PPP2R5B: variants seen among roughly 807,000 people sequenced by gnomAD.
The protein encoded by PPP2R5B is protein phosphatase 2 regulatory subunit B'beta.
PPP2R5B carries 19 observed loss-of-function variants against 59.9 expected under a neutral mutation model. The ratio of observed to expected loss-of-function variants is 0.32; its 90% CI spans 0.22 to 0.47. The LOEUF (loss-of-function observed/expected upper bound fraction) is 0.47, where lower values mean the gene tolerates loss of function less well. PPP2R5B is among the 20% of genes least tolerant of loss of function. The pLI is 1.00. For synonymous variants in PPP2R5B, 286 were observed against 260.5 expected, an observed-to-expected ratio of 1.10 and a Z score of -0.94; for missense variants, 441 against 640.2, an observed-to-expected ratio of 0.69 and a Z score of 3.36.
chr11:64,925,809 C>T lies in PPP2R5B; in HGVS notation c.75C>T (p.Pro25=), dbSNP rs747133554. Residue 25 remains proline, a synonymous_variant, in exon 2 of 14, where the codon CCC becomes CCT. Transcript: ENST00000164133. The surrounding 1 kb of genome is among the most constrained non-coding windows in gnomAD (Gnocchi z 4.6). ...SSPGLSPVPP[P]DKVDGFSRRS... is the part of the protein sequence containing the mutation. ...CCGGGCTGTCGCCTGTGCCCCCACC[C>T]GACAAGGTGGACGGCTTCTCCCGCC... The T allele has an allele frequency of 1.0e-5, 16 of 1,600,992 alleles. No homozygotes were observed. Among genetic ancestry groups the T allele is most frequent in the East Asian group, 2.2e-5 (1 of 44,668 alleles).
rs1358424604 is a variant in PPP2R5B at position 64,930,473 on chromosome 11, C to G, written c.783-8C>G. The G allele has an allele frequency of 6.2e-7, 1 of 1,614,102 alleles. No individual in the cohort carries two copies. The highest frequency in any genetic ancestry group is 1.1e-5 in the South Asian group (1 of 91,082). On this transcript the variant is annotated splice_polypyrimidine_tract_variant and splice_region_variant and intron_variant, in intron 7 of 13. Coordinates refer to ENST00000164133, the MANE Select transcript of PPP2R5B (RefSeq NM_006244.4). ...GAGCCCTCTTCCTCTCTTCTGCCTCCTCCTCAGCATCATCAATGGCTTTGC... is the reference window on the plus strand; with the variant it reads ...GAGCCCTCTTCCTCTCTTCTGCCTCGTCCTCAGCATCATCAATGGCTTTGC...
rs771939996 is a variant in PPP2R5B, at chr11:64,930,603, C to G, written c.891+14C>G. On this transcript the variant is annotated intron_variant, in intron 8 of 13. Coordinates refer to ENST00000164133, the MANE Select transcript of PPP2R5B (RefSeq NM_006244.4). ...TTCCATGCCCAGGTGAGGCCCAGGCCTGTCCCTGCTGCAGCAGGAGCTCCA... is the reference window on the plus strand; with the variant it reads ...TTCCATGCCCAGGTGAGGCCCAGGCGTGTCCCTGCTGCAGCAGGAGCTCCA... 55 of 1,605,462 alleles carry G rather than the reference C, an allele frequency of 3.4e-5. No individual in the cohort carries two copies. Among genetic ancestry groups the G allele is most frequent in the Non-Finnish European group, 4.3e-5 (50 of 1,172,280 alleles).
Position 64,933,791 on chromosome 11 carries a change from G to GC in PPP2R5B, c.1447dup (p.Leu483ProfsTer88), listed in dbSNP as rs1359025908. The stretch of plus-strand genomic sequence containing the variant: ...ACAGGGGACCCAGGGGGCCAAGGAG[G>GC]CCCCCCTCCAGCGGCTTACACCCCA... On this transcript the variant is annotated frameshift_variant, in exon 14 of 14. Coordinates refer to ENST00000164133, the MANE Select transcript of PPP2R5B (RefSeq NM_006244.4). LOFTEE classifies it high-confidence loss of function. 1.3e-6 allele frequency: 2 copies of GC among 1,553,482 alleles called. No individual in the cohort carries two copies.
chr11:64,922,356 G>A (rs1443028834), upstream of PPP2R5B, among the ~76,000 whole-genome samples: 2 of 151,916 alleles, frequency 1.3e-5, no homozygotes, highest in Non-Finnish European at 2.9e-5. Flanking sequence ...ATGATGGCGT[G>A]CATCTGTGGT....
chr11:64,929,844 A>C (rs913568528), intron 6 of PPP2R5B, among the ~76,000 whole-genome samples: 5 of 152,170 alleles, frequency 3.3e-5, no homozygotes, highest in African/African-American at 1.2e-4. Context: ...CGGGACTCTG[A>C]AACATTAGTT....
rs1398686984 is a variant in PPP2R5B at position 64,933,769 on chromosome 11, G to C, written c.1419G>C (p.Gln473His). 6.4e-7 allele frequency: 1 copy of C among 1,554,844 alleles called. No individual in the cohort carries two copies. The highest frequency in any genetic ancestry group is 1.2e-5 in the South Asian group (1 of 84,310). ...AGGAGCTGCGGCTACGCCGGCTACA[G>C]GGGACCCAGGGGGCCAAGGAGGCCC... is the stretch of plus-strand genomic sequence containing the variant. ...GLEELRLRRL[Q>H]GTQGAKEAPL... Residue 473 changes from glutamine (Q) to histidine (H), a missense_variant, in exon 14 of 14, where the codon CAG becomes CAC. This residue lies in a region of PPP2R5B where 70 missense variants were observed against 64.2 expected (regional missense o/e 1.09). Transcript: ENST00000164133.
In PPP2R5B at chr11:64,925,780, T is replaced by TCCCC; in HGVS notation, c.48_51dup (p.Gly18ProfsTer73). Reference sequence around the variant, plus strand: ...TGCAAGCACCCCCACTAGCCCCTCCTCCCCCGGGCTGTCGCCTGTGCCCCC... The same window carrying TCCCC: ...TGCAAGCACCCCCACTAGCCCCTCCTCCCCCCCCCGGGCTGTCGCCTGTGCCCCC... On this transcript the variant is annotated frameshift_variant, in exon 2 of 14. Coordinates refer to ENST00000164133, the MANE Select transcript of PPP2R5B (RefSeq NM_006244.4). LOFTEE classifies it high-confidence loss of function. This position sits in a 1 kb window ranked among gnomAD's most constrained non-coding sequence, Gnocchi z 4.6. 2.3e-6 allele frequency: 2 copies of TCCCC among 867,204 alleles called. No individual in the cohort carries two copies. The highest frequency in any genetic ancestry group is 3.2e-6 in the Non-Finnish European group (2 of 624,884). 53.7% of individuals were successfully genotyped at this position (867,204 alleles called of 1,614,324 possible).
rs760251777 is a variant in PPP2R5B, at chr11:64,925,835, G to C, written c.101G>C (p.Arg34Pro). The C allele has an allele frequency of 4.6e-5, 73 of 1,601,704 alleles. No homozygotes were observed. The highest frequency in any genetic ancestry group is 6.0e-5 in the Non-Finnish European group (70 of 1,175,286). Residue 34 changes from arginine (R) to proline (P), a missense_variant, in exon 2 of 14, where the codon CGT (arginine) becomes CCT (proline). By Grantham distance (103) the Arg-to-Pro change is moderately radical. Around this residue, in one of 3 missense-constraint regions of PPP2R5B, gnomAD observed 103 missense variants for 87.9 expected, o/e 1.17. Coordinates refer to ENST00000164133, the MANE Select transcript of PPP2R5B (RefSeq NM_006244.4). This position sits in a 1 kb window ranked among gnomAD's most constrained non-coding sequence, Gnocchi z 4.6. The stretch of plus-strand genomic sequence containing the variant: ...GACAAGGTGGACGGCTTCTCCCGCC[G>C]TTCCCTCCGCAGAGCCCGGCCCCGC... Reference protein sequence around the residue: ...PPDKVDGFSRRSLRRARPRRS... With the variant: ...PPDKVDGFSRPSLRRARPRRS...
At chr11:64,930,830 T>G (rs766657431) in intron 8 of PPP2R5B, among the ~76,000 whole-genome samples, 2 of 152,204 alleles carry the variant, frequency 1.3e-5, no homozygotes, top group Non-Finnish European at 2.9e-5. Context: ...TCCATCTATA[T>G]TCCCAAATAT....
In PPP2R5B at chr11:64,932,898, T is replaced by C; in HGVS notation, c.1244+6T>C. On this transcript the variant is annotated splice_donor_region_variant and intron_variant, in intron 12 of 13. Transcript: ENST00000164133. ...TCCAAGGAGCACTGGAACCAGTGAG[T>C]GCCAGGCCATGACCTAACTCACAGA... 6 of 1,613,734 alleles carry C rather than the reference T, an allele frequency of 3.7e-6. No homozygotes were observed. Among genetic ancestry groups the C allele is most frequent in the Non-Finnish European group, 4.2e-6 (5 of 1,179,804 alleles).
upstream of PPP2R5B, chr11:64,924,250 A>C (rs1332895787): frequency 6.6e-5 from 10 of 152,380 alleles, no homozygotes; most frequent in Non-Finnish European, 1.2e-4. Flanking sequence ...TAACTAGTCC[A>C]GTGCTGGTTT....
rs763065116 is a variant in PPP2R5B, at chr11:64,927,922, G to C, written c.498+19G>C. On this transcript the variant is annotated intron_variant, in intron 4 of 13. Transcript: ENST00000164133. ...CCTGCAGGTCTGAAGGGTTGGGGAA[G>C]ACAGAGATCCAAGTTTCAGAAGAGA... 3.8e-5 allele frequency: 60 copies of C among 1,582,710 alleles called. 1 individual carries two copies. In the South Asian group the frequency reaches 5.8e-4, roughly 15 times the overall value.
rs1945219747 is a variant in PPP2R5B at position 64,930,676 on chromosome 11, T to A, written c.891+87T>A. On this transcript the variant is annotated intron_variant, in intron 8 of 13. Transcript: ENST00000164133. Reference sequence around the variant, plus strand: ...TCCTGGAGGTCAGATCCTCCAGGGATCCTATCTCACCTTCTTTGTCTTTAT... The same window carrying A: ...TCCTGGAGGTCAGATCCTCCAGGGAACCTATCTCACCTTCTTTGTCTTTAT... 7 of 1,101,410 alleles carry A rather than the reference T, an allele frequency of 6.4e-6. No individual in the cohort carries two copies. In the Admixed American group the frequency reaches 1.1e-4, roughly 17 times the overall value. 68.2% of individuals were successfully genotyped at this position (1,101,410 alleles called of 1,614,324 possible).
Position 64,925,634 on chromosome 11 carries a change from A to T in PPP2R5B, c.-101A>T. 1.5e-5 allele frequency: 5 copies of T among 341,370 alleles called. No individual in the cohort carries two copies. The highest frequency in any genetic ancestry group is 2.1e-4 in the East Asian group (2 of 9,744). 21.1% of individuals were successfully genotyped at this position (341,370 alleles called of 1,614,324 possible). On this transcript the variant is annotated 5_prime_UTR_variant, in exon 2 of 14. Coordinates refer to ENST00000164133, the MANE Select transcript of PPP2R5B (RefSeq NM_006244.4). The surrounding 1 kb of genome is among the most constrained non-coding windows in gnomAD (Gnocchi z 4.6). ...GTTGTGCCCCCCCCCCAAAGGCCGG[A>T]CAGGATGGGACCAAGTTAGTCTGTC...
chr11:64,927,454 CT>C (rs1221996918), intron 3 of PPP2R5B, among the ~76,000 whole-genome samples: 1 of 152,216 alleles, frequency 6.6e-6, no homozygotes, highest in African/African-American at 2.4e-5. Flanking sequence ...CAGCTCTCAT[CT>C]GTAATCCCAG....
At chr11:64,930,693 T>C (rs1945219972) in intron 8 of PPP2R5B, 104 bp downstream of exon 8, 2 of 968,538 alleles carry the variant, frequency 2.1e-6, no homozygotes, top group Admixed American at 4.2e-5. Context: ...TCACCTTCTT[T>C]GTCTTTATAA....
Position 64,934,454 on chromosome 11 carries a change from C to G in PPP2R5B, c.*610C>G, listed in dbSNP as rs1945266364. Reference sequence around the variant, plus strand: ...TCCTCTTTCCGTGGCTGGGGGTAGACTTAATAAAGAGAGAAATTCAAGAAC... The same window carrying G: ...TCCTCTTTCCGTGGCTGGGGGTAGAGTTAATAAAGAGAGAAATTCAAGAAC... On this transcript the variant is annotated 3_prime_UTR_variant, in exon 14 of 14. Coordinates refer to ENST00000164133, the MANE Select transcript of PPP2R5B (RefSeq NM_006244.4). 4.5e-6 allele frequency: 2 copies of G among 444,574 alleles called. No individual in the cohort carries two copies. Among genetic ancestry groups the G allele is most frequent in the Non-Finnish European group, 4.1e-6 (1 of 241,692 alleles). 27.5% of individuals were successfully genotyped at this position (444,574 alleles called of 1,614,324 possible).
Position 64,925,623 on chromosome 11 carries a change from C to CCA in PPP2R5B, c.-111_-110dup, listed in dbSNP as rs1554968356. The CCA allele has an allele frequency of 3.2e-5, 18 of 566,246 alleles. 1 individual carries two copies. The highest frequency in any genetic ancestry group is 6.1e-5 in the South Asian group (3 of 49,080). The allele number at this position is 566,246 out of a possible 1,614,324, so 35.1% of individuals were successfully genotyped here. A position where few individuals can be genotyped will look rare whatever the true frequency, so the allele number is the denominator to read the frequency against. On this transcript the variant is annotated 5_prime_UTR_variant, in exon 2 of 14. Coordinates refer to ENST00000164133, the MANE Select transcript of PPP2R5B (RefSeq NM_006244.4). The surrounding 1 kb of genome is among the most constrained non-coding windows in gnomAD (Gnocchi z 4.6). ...CCAGGACTGTGGTTGTGCCCCCCCC[C>CCA]CAAAGGCCGGACAGGATGGGACCAA...
rs886436269 is a variant in PPP2R5B, at chr11:64,917,989, A to AG, written c.-265+355dup. On this transcript the variant is annotated intron_variant, in intron 1 of 4. Transcript: ENST00000526559. ...AGAATGGATTCTGCCTCCTTTAAGC[A>AG]GGGGGGCATTGTTTTTGTACGGCCT... 2.3e-4 allele frequency among the ~76,000 whole-genome samples: 35 copies of AG among 152,140 alleles called. 2 individuals carry two copies. The highest frequency in any genetic ancestry group is 2.0e-3 in the Admixed American group (31 of 15,274).
Sources: gnomAD v4.1 joint callset for allele counts (sites outside exome capture counted in the v4.1 genomes callset) on GRCh38, gnomAD v4.1.1 for gene constraint, gnomAD v4.1.1 regional missense constraint, Gnocchi (gnomAD v3.1) non-coding constraint, MANE v1.5 for transcripts, NCBI Gene and HGNC (gene_info 2026-07-23, HGNC 2026-07-21) for gene names.